IL18RAP: variants seen among roughly 807,000 people sequenced by gnomAD.
IL18RAP encodes interleukin-18 receptor accessory protein.
IL18RAP carries 37 observed loss-of-function variants against 58.1 expected under a neutral mutation model. The observed-to-expected ratio is 0.64, with a 90% confidence interval of 0.49 to 0.84. The LOEUF is 0.84. Among genes scored for constraint, IL18RAP ranks in the 40% least tolerant of loss-of-function variants. The pLI, the probability that IL18RAP is intolerant of heterozygous loss-of-function variation, is 0.00. For missense variants in IL18RAP, 667 were observed against 704.8 expected (o/e 0.95, Z 0.61); for synonymous variants, 268 against 257.5 (o/e 1.04, Z -0.39).
chr2:102,439,134 T>A (rs746461267), intron 4 of IL18RAP: 1 of 152,198 alleles, frequency 6.6e-6, no homozygotes, highest in African/African-American at 2.4e-5. Flanking sequence ...GTGTTAAAAT[T>A]TATGAAGGAA....
intron 8 of IL18RAP, among the ~76,000 whole-genome samples, chr2:102,448,808 A>C (rs942609976): frequency 1.3e-5 from 2 of 151,934 alleles, no homozygotes; most frequent in African/African-American, 4.8e-5. Flanking sequence ...GAAATTTTTT[A>C]ATGTTAGCTG....
Position 102,423,794 on chromosome 2 carries a change from T to C in IL18RAP, c.71-17T>C. 2 of 1,463,220 alleles carry C rather than the reference T, an allele frequency of 1.4e-6. No individual in the cohort carries two copies. The highest frequency in any genetic ancestry group is 1.9e-6 in the Non-Finnish European group (2 of 1,049,020). The allele number at this position is 1,463,220 out of a possible 1,614,324, so 90.6% of individuals were successfully genotyped here. ...TTCTAATGTGTTTCCATGTGCTTTG[T>C]TTATTATGATTTTCAGGTTGTTCCA... is the stretch of plus-strand genomic sequence containing the variant. On this transcript the variant is annotated splice_polypyrimidine_tract_variant and intron_variant, in intron 1 of 9. Transcript: ENST00000687160.
intron 7 of IL18RAP, among the ~76,000 whole-genome samples, chr2:102,446,436 T>A (rs1683420678): frequency 6.6e-6 from 1 of 152,180 alleles, no homozygotes; most frequent in South Asian, 2.1e-4. Flanking sequence ...TTGTGTCGTC[T>A]TTTATCCCTC....
intron 1 of IL18RAP, 107 bp downstream of exon 1, chr2:102,423,454 A>G: frequency 2.0e-6 from 2 of 977,198 alleles, no homozygotes; most frequent in East Asian, 2.4e-5. Context: ...AAACCTTTCC[A>G]TCCTACTATT....
At chr2:102,427,561 G>C (rs898540395) in intron 3 of IL18RAP, among the ~76,000 whole-genome samples, 5 of 151,790 alleles carry the variant, frequency 3.3e-5, no homozygotes, top group Non-Finnish European at 7.4e-5. Context: ...TTTTAAAATG[G>C]GCTATTTGTT....
Position 102,451,914 on chromosome 2 carries a change from A to G in IL18RAP, c.1533A>G (p.Leu511=). Residue 511 remains leucine (L), a synonymous_variant, in exon 10 of 10, where the codon TTA becomes TTG. Coordinates refer to ENST00000687160, the MANE Select transcript of IL18RAP (RefSeq NM_001393487.1). ...ATGATCAAACACTGAAACTCATTTTAATTAAGTTCTGTTACTTCCAAGAGC... is the reference window on the plus strand; with the variant it reads ...ATGATCAAACACTGAAACTCATTTTGATTAAGTTCTGTTACTTCCAAGAGC... The part of the protein sequence containing the change: ...ALDDQTLKLI[L]IKFCYFQEPE... 6.2e-7 allele frequency: 1 copy of G among 1,614,144 alleles called. No individual in the cohort carries two copies. Among genetic ancestry groups the G allele is most frequent in the Non-Finnish European group, 8.5e-7 (1 of 1,180,018 alleles).
chr2:102,443,101 G>C (rs1224330551), intron 5 of IL18RAP, 99 bp from the exon 6 acceptor site: 3 of 1,126,016 alleles, frequency 2.7e-6, no homozygotes, highest in Non-Finnish European at 2.5e-6. Flanking sequence ...AAACCTGATT[G>C]CATCAGGAGA....
rs754041640 is a variant in IL18RAP, at chr2:102,424,462, T to G, written c.579+48T>G. ...TAATATAAGAGCATTGTTTTTATGG[T>G]ATCTTCTTCATGGGCTTTTCATGGA... On this transcript the variant is annotated intron_variant, in intron 3 of 9. Coordinates refer to ENST00000687160, the MANE Select transcript of IL18RAP (RefSeq NM_001393487.1). 4.0e-6 allele frequency: 6 copies of G among 1,512,566 alleles called. No homozygotes were observed. The Admixed American group carries it at 1.1e-4, about 28-fold the overall frequency. 93.7% of individuals were successfully genotyped at this position (1,512,566 alleles called of 1,614,324 possible). A position where few individuals can be genotyped will look rare whatever the true frequency, so the allele number is the denominator to read the frequency against.
chr2:102,439,867 A>C (rs1682990935), intron 4 of IL18RAP: 1 of 152,248 alleles, frequency 6.6e-6, no homozygotes, highest in African/African-American at 2.4e-5. Flanking sequence ...GTGAATGTGA[A>C]GATGATCGAT....
chr2:102,431,771 A>T (rs1682379320), intron 3 of IL18RAP, among the ~76,000 whole-genome samples: 1 of 135,648 alleles, frequency 7.4e-6, no homozygotes, highest in South Asian at 2.2e-4. Context: ...ATTTCTATTT[A>T]AAACTTTTTT....
In IL18RAP at chr2:102,452,225, A is replaced by G. The variant is rs1205860022; in HGVS notation, c.*44A>G. On this transcript the variant is annotated 3_prime_UTR_variant, in exon 10 of 10. Coordinates refer to ENST00000687160, the MANE Select transcript of IL18RAP (RefSeq NM_001393487.1). The stretch of plus-strand genomic sequence containing the variant: ...CTCCAGTCCAGTCCCTGGGATAGAG[A>G]TGTTGCTGGACAGAACTCACAGCTC... 5.3e-6 allele frequency: 8 copies of G among 1,515,496 alleles called. No individual in the cohort carries two copies. The highest frequency in any genetic ancestry group is 2.8e-5 in the African/African-American group (2 of 71,776). 93.9% of individuals were successfully genotyped at this position (1,515,496 alleles called of 1,614,324 possible). A position where few individuals can be genotyped will look rare whatever the true frequency, so the allele number is the denominator to read the frequency against.
upstream of IL18RAP, among the ~76,000 whole-genome samples, chr2:102,422,495 TC>T (rs1341476863): frequency 5.3e-5 from 8 of 152,110 alleles, no homozygotes; most frequent in African/African-American, 1.7e-4. Context: ...GCCATATGCC[TC>T]CCCACCCCTC....
upstream of IL18RAP, among the ~76,000 whole-genome samples, chr2:102,422,473 A>T (rs1327675968): frequency 6.6e-6 from 1 of 152,030 alleles, no homozygotes; most frequent in East Asian, 1.9e-4. Flanking sequence ...TGAAACTGAG[A>T]CCCTGCTCTG....
chr2:102,437,137 G>T lies in IL18RAP; in HGVS notation c.580-75G>T, dbSNP rs889420886. 4 of 1,401,048 alleles carry T rather than the reference G, an allele frequency of 2.9e-6. No homozygotes were observed. In the African/African-American group the frequency reaches 4.3e-5, roughly 15 times the overall value. 86.8% of individuals were successfully genotyped at this position (1,401,048 alleles called of 1,614,324 possible). On this transcript the variant is annotated intron_variant, in intron 3 of 9. Transcript: ENST00000687160. ...TCTTCCTCCCTGTTCAAATTTGTAA[G>T]ATTTTTCTTTAGGTATGTATTTCAT...
chr2:102,436,201 G>A (rs557153189), intron 3 of IL18RAP, among the ~76,000 whole-genome samples: 2 of 151,994 alleles, frequency 1.3e-5, no homozygotes, highest in African/African-American at 4.8e-5. Context: ...CTCCCCCTTG[G>A]CTTAGGTGAG....
At chr2:102,442,971 TATAGTC>T (rs1291158917) in intron 5 of IL18RAP, among the ~76,000 whole-genome samples, 2 of 152,196 alleles carry the variant, frequency 1.3e-5, no homozygotes, top group African/African-American at 4.8e-5. Context: ...TTTAAGAACA[TATAGTC>T]ATATGGTTGA....
chr2:102,445,195 A>G lies in IL18RAP; in HGVS notation c.927A>G (p.Lys309=). ...ATTTTTTCTCCTTTCTCAGTATTAAATCCACTTTAAAGGATGAAATCATTG... is the reference window on the plus strand; with the variant it reads ...ATTTTTTCTCCTTTCTCAGTATTAAGTCCACTTTAAAGGATGAAATCATTG... ...EVSVPEAKSI[K]STLKDEIIER... is the part of the protein sequence containing the mutation. Residue 309 remains lysine, a synonymous_variant, in exon 7 of 10, where the codon AAA becomes AAG. Transcript: ENST00000687160. The G allele has an allele frequency of 1.2e-6, 2 of 1,613,932 alleles. No individual in the cohort carries two copies. The highest frequency in any genetic ancestry group is 1.1e-5 in the South Asian group (1 of 91,070).
intron 3 of IL18RAP, 103 bp downstream of exon 3, chr2:102,424,517 G>C: frequency 9.4e-7 from 1 of 1,068,800 alleles, no homozygotes; most frequent in South Asian, 1.6e-5. Context: ...GAGGTATACA[G>C]CTTCTCAAAA....
Position 102,451,908 on chromosome 2 carries a change from C to A in IL18RAP, c.1527C>A (p.Leu509=). 1 of 1,614,208 alleles carries A rather than the reference C, an allele frequency of 6.2e-7. No homozygotes were observed. Among genetic ancestry groups the A allele is most frequent in the Non-Finnish European group, 8.5e-7 (1 of 1,180,030 alleles). Residue 509 remains leucine (L), a synonymous_variant, in exon 10 of 10, where the codon CTC becomes CTA. Transcript: ENST00000687160. ...NLALDDQTLK[L]ILIKFCYFQE... is the part of the protein sequence containing the mutation. ...CCTTGGATGATCAAACACTGAAACT[C>A]ATTTTAATTAAGTTCTGTTACTTCC...
Sources: allele counts gnomAD v4.1 joint callset (sites outside exome capture counted in the v4.1 genomes callset), GRCh38; gene constraint gnomAD v4.1.1; transcripts MANE v1.5; gene names NCBI Gene and HGNC (gene_info 2026-07-23, HGNC 2026-07-21).